ITGBL1: variants seen among roughly 807,000 people sequenced by gnomAD.
ITGBL1 encodes integrin subunit beta like 1.
A neutral mutation model predicts 68.5 loss-of-function variants in ITGBL1; 51 were observed. That is an observed-to-expected ratio of 0.74 (90% CI 0.59 to 0.94). The LOEUF is 0.94. Among genes scored for constraint, ITGBL1 ranks in the 40% least tolerant of loss-of-function variants. The pLI is 0.00. For missense variants in ITGBL1, 649 were observed against 647.4 expected (o/e 1.00, Z -0.03); for synonymous variants, 209 against 227.3 (o/e 0.92, Z 0.72).
chr13:101,619,554 GC>G (rs2139384110), intron 7 of ITGBL1, among the ~76,000 whole-genome samples: 1 of 152,230 alleles, frequency 6.6e-6, no homozygotes, highest in South Asian at 2.1e-4. Flanking sequence ...CTTGATTTGA[GC>G]CCAGCCAAAC....
rs374455618 is a variant in ITGBL1, at chr13:101,487,433, AAT to A, written c.316+33336_316+33337del. Among the ~76,000 whole-genome samples the A allele has an allele frequency of 2.8e-4, 43 of 152,354 alleles. 1 individual carries two copies. In the South Asian group the frequency reaches 7.1e-3, roughly 25 times the overall value. On this transcript the variant is annotated intron_variant, in intron 2 of 10. Transcript: ENST00000376180. ...TAAAAAAAGAAAGTTAGGATTCAAA[AAT>A]ATGATTGTAATTTTTGAAATCCTGG...
chr13:101,679,387 T>G (rs1474156936), intron 7 of ITGBL1, among the ~76,000 whole-genome samples: 1 of 152,224 alleles, frequency 6.6e-6, no homozygotes, highest in East Asian at 1.9e-4. Context: ...AAAGTCAATG[T>G]CAAAGATCAG....
intron 7 of ITGBL1, among the ~76,000 whole-genome samples, chr13:101,658,221 A>C (rs61965088): frequency 0.11 from 17,029 of 152,242 alleles, 1,320 homozygotes; most frequent in African/African-American, 0.22. Flanking sequence ...GAAAAAGGCT[A>C]CTGGGAGAAT....
chr13:101,685,980 G>T (rs1375731498), intron 7 of ITGBL1, among the ~76,000 whole-genome samples: 1 of 152,108 alleles, frequency 6.6e-6, no homozygotes, highest in African/African-American at 2.4e-5. Flanking sequence ...CTGGGTTGGG[G>T]TCATTGGAGA....
intron 7 of ITGBL1, among the ~76,000 whole-genome samples, chr13:101,628,411 A>T (rs2031858995): frequency 6.7e-6 from 1 of 148,946 alleles, no homozygotes; most frequent in African/African-American, 2.5e-5. Context: ...TTCTCTTGAT[A>T]TTTCTTTTCT....
chr13:101,713,373 A>C (rs577946929), intron 9 of ITGBL1: 10 of 152,252 alleles, frequency 6.6e-5, no homozygotes, highest in African/African-American at 1.9e-4. Flanking sequence ...GAACTTACCA[A>C]TTCTGCAGTT....
chr13:101,484,814 A>G (rs1354637566), intron 2 of ITGBL1, among the ~76,000 whole-genome samples: 1 of 152,024 alleles, frequency 6.6e-6, no homozygotes, highest in African/African-American at 2.4e-5. Context: ...ATATTTGAAG[A>G]AATAATAATG....
chr13:101,517,155 A>G (rs951010236), intron 2 of ITGBL1, among the ~76,000 whole-genome samples: 1 of 152,082 alleles, frequency 6.6e-6, no homozygotes, highest in African/African-American at 2.4e-5. Context: ...GCCCCTAGCT[A>G]TATTTTATAT....
At chr13:101,509,259 T>C (rs1301682637) in intron 2 of ITGBL1, among the ~76,000 whole-genome samples, 1 of 152,080 alleles carries the variant, frequency 6.6e-6, no homozygotes, top group African/African-American at 2.4e-5. Flanking sequence ...TTCACGATCA[T>C]CAGAATAGCA....
intron 7 of ITGBL1, among the ~76,000 whole-genome samples, chr13:101,683,068 A>G (rs2033679441): frequency 6.6e-6 from 1 of 152,254 alleles, no homozygotes; most frequent in African/African-American, 2.4e-5. Flanking sequence ...CATTATGCCC[A>G]GAAAAGTATA....
intron 2 of ITGBL1, among the ~76,000 whole-genome samples, chr13:101,490,591 T>C (rs1477919189): frequency 6.6e-6 from 1 of 152,174 alleles, no homozygotes; most frequent in Non-Finnish European, 1.5e-5. Flanking sequence ...TGGGTGGTGC[T>C]GTTTGAGCTG....
At chr13:101,464,190 C>A (rs574193519) in intron 2 of ITGBL1, among the ~76,000 whole-genome samples, 1 of 152,146 alleles carries the variant, frequency 6.6e-6, no homozygotes, top group South Asian at 2.1e-4. Context: ...TGAGCCACCA[C>A]GCCTGACCCA....
At chr13:101,464,729 G>C (rs9585704) in intron 2 of ITGBL1, among the ~76,000 whole-genome samples, 2 of 151,494 alleles carry the variant, frequency 1.3e-5, no homozygotes, top group African/African-American at 4.9e-5. Context: ...ATACACATAC[G>C]CCATACATAT....
chr13:101,480,628 C>T (rs1188879646), intron 2 of ITGBL1, among the ~76,000 whole-genome samples: 1 of 151,958 alleles, frequency 6.6e-6, no homozygotes, highest in Non-Finnish European at 1.5e-5. Flanking sequence ...CCAAGTATCT[C>T]ACACCCTGTA....
At chr13:101,490,069 A>C in intron 2 of ITGBL1, 1 of 965,938 alleles carries the variant, frequency 1.0e-6, no homozygotes, top group Non-Finnish European at 1.6e-6. Context: ...TACCCCCAAA[A>C]TTCTGTGTTG....
Position 101,659,809 on chromosome 13 carries a change from A to G in ITGBL1, c.1016-32776A>G, listed in dbSNP as rs961340154. Among the ~76,000 whole-genome samples, 10 of 152,150 alleles carry G rather than the reference A, an allele frequency of 6.6e-5. 1 individual carries two copies. The highest frequency in any genetic ancestry group is 1.3e-4 in the Non-Finnish European group (9 of 68,032). ...TATGTATCTGTTCATATGTAAGTAT[A>G]TGTGTGTAGGAGTGCAGATGCCAGT... is the stretch of plus-strand genomic sequence containing the variant. On this transcript the variant is annotated intron_variant, in intron 7 of 10. Transcript: ENST00000376180.
chr13:101,563,504 C>T (rs2050133405), intron 2 of ITGBL1, among the ~76,000 whole-genome samples: 1 of 151,766 alleles, frequency 6.6e-6, no homozygotes, highest in African/African-American at 2.4e-5. Context: ...AGATAGTAAG[C>T]TTATGATATA....
Position 101,522,966 on chromosome 13 carries a change from T to A in ITGBL1, c.317-44733T>A, listed in dbSNP as rs1035889824. On this transcript the variant is annotated intron_variant, in intron 2 of 10. Coordinates refer to ENST00000376180, the MANE Select transcript of ITGBL1 (RefSeq NM_004791.3). ...CAAAATAATGCCAAATGGACAGACA[T>A]CTCAAAATGCATTCCTCTCTCGTCC... 2.6e-5 allele frequency among the ~76,000 whole-genome samples: 4 copies of A among 152,282 alleles called. No individual in the cohort carries two copies. The South Asian group carries it at 6.2e-4, about 24-fold the overall frequency.
At chr13:101,573,101 AC>A (rs1458197650) in intron 3 of ITGBL1, among the ~76,000 whole-genome samples, 1 of 152,146 alleles carries the variant, frequency 6.6e-6, no homozygotes, top group Admixed American at 6.5e-5. Context: ...CTTGCAAACA[AC>A]ATAACAGATA....
Sources: allele counts gnomAD v4.1 joint callset (sites outside exome capture counted in the v4.1 genomes callset), GRCh38; gene constraint gnomAD v4.1.1; transcripts MANE v1.5; gene names NCBI Gene and HGNC (gene_info 2026-07-23, HGNC 2026-07-21).